Variants in PPM1H observed in about 807,000 individuals in gnomAD.
PPM1H encodes protein phosphatase, Mg2+/Mn2+ dependent 1H.
A neutral mutation model predicts 54.9 loss-of-function variants in PPM1H; 27 were observed. The ratio of observed to expected loss-of-function variants is 0.49; its 90% CI spans 0.36 to 0.68. PPM1H has a LOEUF of 0.68. Ranked by LOEUF, PPM1H falls within the 30% of genes least tolerant of loss-of-function variation. The probability of loss-of-function intolerance (pLI) is 0.00; values close to 1 mark genes in which losing one functional copy is unlikely to be tolerated. For missense variants in PPM1H, 596 were observed against 667.8 expected (o/e 0.89, Z 1.19); for synonymous variants, 305 against 270.8 (o/e 1.13, Z -1.24).
intron 4 of PPM1H, among the ~76,000 whole-genome samples, chr12:62,775,989 G>C (rs117321449): frequency 0.03 from 4,561 of 152,270 alleles, 116 homozygotes; most frequent in Non-Finnish European, 0.046. Flanking sequence ...AGGTACAAAG[G>C]CACGTCTTAC....
At chr12:62,913,660 C>T (rs1871528267) in intron 1 of PPM1H, among the ~76,000 whole-genome samples, 1 of 152,082 alleles carries the variant, frequency 6.6e-6, no homozygotes. Context: ...GGCACCCAGA[C>T]AAGTTTTTGA....
At chr12:62,702,434 C>A (rs1442220226) in intron 6 of PPM1H, among the ~76,000 whole-genome samples, 1 of 152,106 alleles carries the variant, frequency 6.6e-6, no homozygotes, top group Non-Finnish European at 1.5e-5. Flanking sequence ...AGAGCCCCTA[C>A]TCTGATTGCT....
intron 2 of PPM1H, among the ~76,000 whole-genome samples, chr12:62,815,778 A>G (rs2076862950): frequency 6.6e-6 from 1 of 152,226 alleles, no homozygotes; most frequent in Non-Finnish European, 1.5e-5. Context: ...GACTTGCACA[A>G]GATAACACAT....
At chr12:62,729,071 T>C (rs1006784389) in intron 5 of PPM1H, among the ~76,000 whole-genome samples, 1 of 152,092 alleles carries the variant, frequency 6.6e-6, no homozygotes, top group East Asian at 1.9e-4. Context: ...CCCTTACATA[T>C]GCTAAGTACC....
At chr12:62,659,647 A>G (rs1284792172) in intron 9 of PPM1H, among the ~76,000 whole-genome samples, 1 of 152,232 alleles carries the variant, frequency 6.6e-6, no homozygotes, top group African/African-American at 2.4e-5. Flanking sequence ...TACAGGCAAC[A>G]TAAACAAAAG....
intron 2 of PPM1H, among the ~76,000 whole-genome samples, chr12:62,811,499 C>T (rs1450607234): frequency 6.6e-6 from 1 of 152,150 alleles, no homozygotes; most frequent in Non-Finnish European, 1.5e-5. Context: ...TTTCTTATTT[C>T]CCCTAAAGGA....
intron 1 of PPM1H, among the ~76,000 whole-genome samples, chr12:62,899,308 C>T (rs1169117847): frequency 1.3e-5 from 2 of 152,056 alleles, no homozygotes; most frequent in Non-Finnish European, 2.9e-5. Context: ...TGGTGGCTCA[C>T]ACCTGTAATA....
chr12:62,725,533 C>T (rs61919557), intron 5 of PPM1H, among the ~76,000 whole-genome samples: 12,485 of 152,286 alleles, frequency 0.082, 658 homozygotes, highest in Admixed American at 0.15. Context: ...AATTATATTT[C>T]TCCATGACTG....
intron 6 of PPM1H, among the ~76,000 whole-genome samples, chr12:62,702,544 C>T (rs900760108): frequency 7.1e-6 from 1 of 140,644 alleles, no homozygotes; most frequent in Admixed American, 7.1e-5. Flanking sequence ...CCTTGAGCTA[C>T]AGAGAGAGAG....
At chr12:62,920,485 G>GTTTT (rs35100515) in intron 1 of PPM1H, among the ~76,000 whole-genome samples, 24 of 136,660 alleles carry the variant, frequency 1.8e-4, no homozygotes, top group African/African-American at 5.5e-4. Context: ...CCTGAATGAG[G>GTTTT]TTTTTTTTTT....
At chr12:62,858,738 G>A (rs1356720466) in intron 1 of PPM1H, among the ~76,000 whole-genome samples, 1 of 152,170 alleles carries the variant, frequency 6.6e-6, no homozygotes, top group Admixed American at 6.6e-5. Context: ...AAGCAAATAA[G>A]GAGATATGGG....
chr12:62,670,200 C>T (rs1299264841), intron 8 of PPM1H, among the ~76,000 whole-genome samples: 1 of 151,926 alleles, frequency 6.6e-6, no homozygotes, highest in Non-Finnish European at 1.5e-5. Flanking sequence ...TGGTCTCGAA[C>T]TCCCGACCTC....
At chr12:62,810,934 C>T (rs1275711071) in intron 2 of PPM1H, among the ~76,000 whole-genome samples, 1 of 152,216 alleles carries the variant, frequency 6.6e-6, no homozygotes, top group East Asian at 1.9e-4. Context: ...AGGCTCCATG[C>T]TGGGCACTAG....
intron 1 of PPM1H, among the ~76,000 whole-genome samples, chr12:62,884,515 AAAAGAAAG>A (rs1211884632): frequency 6.8e-6 from 1 of 146,328 alleles, no homozygotes; most frequent in Non-Finnish European, 1.5e-5. Context: ...AAAAAAAAAA[AAAAGAAAG>A]AAAGAAAGAG....
chr12:62,892,361 G>A lies in PPM1H; in HGVS notation c.245+42131C>T, dbSNP rs1004445635. Among the ~76,000 whole-genome samples the A allele has an allele frequency of 1.3e-5, 2 of 152,116 alleles. 1 individual carries two copies. The highest frequency in any genetic ancestry group is 1.3e-4 in the Admixed American group (2 of 15,270). On this transcript the variant is annotated intron_variant, in intron 1 of 9. Transcript: ENST00000228705. ...TTGAAGAGATCTACCAATTTTTCCTGCTTTCAGTTGCATAATTTGTCACCT... is the reference window on the plus strand; with the variant it reads ...TTGAAGAGATCTACCAATTTTTCCTACTTTCAGTTGCATAATTTGTCACCT...
At chr12:62,926,296 T>A (rs573225044) in intron 1 of PPM1H, among the ~76,000 whole-genome samples, 1 of 152,318 alleles carries the variant, frequency 6.6e-6, no homozygotes, top group Non-Finnish European at 1.5e-5. Flanking sequence ...ACTTGGGTTC[T>A]ATAAGACAGT....
At chr12:62,857,001 T>C (rs17098412) in intron 1 of PPM1H, among the ~76,000 whole-genome samples, 8,116 of 152,252 alleles carry the variant, frequency 0.053, 372 homozygotes, top group African/African-American at 0.12. Context: ...GGGTAATACA[T>C]AGGTCTAATG....
intron 4 of PPM1H, among the ~76,000 whole-genome samples, chr12:62,778,892 C>T (rs2076625896): frequency 6.6e-6 from 1 of 151,286 alleles, no homozygotes; most frequent in Non-Finnish European, 1.5e-5. Context: ...GACCATGCTA[C>T]TGCACTCCAG....
intron 3 of PPM1H, among the ~76,000 whole-genome samples, chr12:62,798,271 G>A (rs476440): frequency 0.21 from 31,510 of 152,146 alleles, 4,291 homozygotes; most frequent in African/African-American, 0.39. Context: ...AAAAGGAGCA[G>A]GTAGGGGATA....
Sources: gnomAD v4.1 joint callset for allele counts (sites outside exome capture counted in the v4.1 genomes callset) on GRCh38, gnomAD v4.1.1 for gene constraint, MANE v1.5 for transcripts, NCBI Gene and HGNC (gene_info 2026-07-23, HGNC 2026-07-21) for gene names.